NEGR1: variants seen among roughly 807,000 people sequenced by gnomAD.
NEGR1 encodes the protein neuronal growth regulator 1.
A neutral mutation model predicts 40.9 loss-of-function variants in NEGR1; 10 were observed. The ratio of observed to expected loss-of-function variants is 0.24; its 90% confidence interval spans 0.15 to 0.42. The LOEUF (loss-of-function observed/expected upper bound fraction) is 0.42. Ranked by LOEUF, NEGR1 falls within the 10% of genes least tolerant of loss-of-function variation. The pLI is 1.00. For synonymous variants in NEGR1, 185 were observed against 166.8 expected (o/e 1.11, Z -0.84); for missense variants, 352 against 438.9 (o/e 0.80, Z 1.77).
chr1:71,868,897 T>C (rs1660197548), intron 2 of NEGR1, among the ~76,000 whole-genome samples: 1 of 152,076 alleles, frequency 6.6e-6, no homozygotes, highest in Non-Finnish European at 1.5e-5. Flanking sequence ...CCCCAATATG[T>C]ATGTACATAC....
chr1:71,915,842 C>G (rs575277660), intron 2 of NEGR1, among the ~76,000 whole-genome samples: 1 of 152,186 alleles, frequency 6.6e-6, no homozygotes, highest in African/African-American at 2.4e-5. Context: ...AAGCATATTA[C>G]TTGCCCTCAT....
chr1:71,997,487 AC>A (rs1646515333), intron 1 of NEGR1, among the ~76,000 whole-genome samples: 1 of 151,906 alleles, frequency 6.6e-6, no homozygotes, highest in South Asian at 2.1e-4. Context: ...CATCTAATAC[AC>A]CTAAAATATT....
At chr1:71,787,856 G>T (rs1216979112) in intron 2 of NEGR1, among the ~76,000 whole-genome samples, 2 of 152,052 alleles carry the variant, frequency 1.3e-5, no homozygotes, top group African/African-American at 4.8e-5. Flanking sequence ...AGACTATTTT[G>T]GCTTTGAAAG....
chr1:72,022,965 G>A (rs3128550), intron 1 of NEGR1, among the ~76,000 whole-genome samples: 79,398 of 151,942 alleles, frequency 0.52, 21,732 homozygotes, highest in East Asian at 0.67. Context: ...AATATCACAT[G>A]TCCTTCTCCA....
intron 1 of NEGR1, among the ~76,000 whole-genome samples, chr1:71,948,700 G>T (rs1405201870): frequency 6.6e-6 from 1 of 152,024 alleles, no homozygotes; most frequent in Admixed American, 6.6e-5. Context: ...TCTCTTGCTA[G>T]AGGATCCATC....
chr1:72,030,499 T>A (rs538844329), intron 1 of NEGR1, among the ~76,000 whole-genome samples: 14 of 152,288 alleles, frequency 9.2e-5, no homozygotes, highest in African/African-American at 3.4e-4. Context: ...AGAGCCTCAT[T>A]AGAAGAAACA....
At chr1:71,766,370 G>T (rs1384191562) in intron 3 of NEGR1, among the ~76,000 whole-genome samples, 2 of 152,118 alleles carry the variant, frequency 1.3e-5, no homozygotes, top group African/African-American at 4.8e-5. Context: ...CTTGAGTTAG[G>T]CAATAGCCTT....
intron 3 of NEGR1, among the ~76,000 whole-genome samples, chr1:71,775,817 C>G (rs909413946): frequency 6.6e-6 from 1 of 151,472 alleles, no homozygotes; most frequent in Non-Finnish European, 1.5e-5. Flanking sequence ...CATGGTAAAC[C>G]CCTTCTCTAC....
intron 6 of NEGR1, among the ~76,000 whole-genome samples, chr1:71,512,999 C>T (rs747305292): frequency 7.9e-5 from 12 of 152,138 alleles, no homozygotes; most frequent in East Asian, 1.9e-4. Flanking sequence ...CATATAACAT[C>T]GACAAAAAAT....
chr1:72,076,331 A>G (rs1329279083), intron 1 of NEGR1, among the ~76,000 whole-genome samples: 4 of 152,258 alleles, frequency 2.6e-5, no homozygotes, highest in African/African-American at 9.6e-5. Context: ...AAATACAGCC[A>G]TTTACGAACA....
chr1:71,988,371 C>G (rs1646418349), intron 1 of NEGR1, among the ~76,000 whole-genome samples: 1 of 151,720 alleles, frequency 6.6e-6, no homozygotes, highest in Non-Finnish European at 1.5e-5. Context: ...AACCCCGTCT[C>G]TACTAAAAAT....
At chr1:71,701,916 A>T (rs1224355803) in intron 3 of NEGR1, among the ~76,000 whole-genome samples, 2 of 152,090 alleles carry the variant, frequency 1.3e-5, no homozygotes, top group East Asian at 3.8e-4. Context: ...CTATACCACA[A>T]ATCTATCAAG....
intron 1 of NEGR1, among the ~76,000 whole-genome samples, chr1:72,248,384 A>G (rs1404974766): frequency 6.6e-6 from 1 of 151,700 alleles, no homozygotes; most frequent in African/African-American, 2.4e-5. Flanking sequence ...CAGCCTCCCG[A>G]GTAGCTAGGA....
intron 1 of NEGR1, among the ~76,000 whole-genome samples, chr1:72,198,363 T>G (rs1653073617): frequency 6.6e-6 from 1 of 151,984 alleles, no homozygotes; most frequent in African/African-American, 2.4e-5. Flanking sequence ...CTGAAAAGAC[T>G]TAAGCCATGA....
intron 6 of NEGR1, among the ~76,000 whole-genome samples, chr1:71,456,876 G>A (rs996765619): frequency 4.6e-5 from 7 of 152,234 alleles, no homozygotes; most frequent in Non-Finnish European, 8.8e-5. Context: ...CTGGCATGCT[G>A]GTAATTTGAG....
chr1:72,153,209 T>C (rs1249092847), intron 1 of NEGR1, among the ~76,000 whole-genome samples: 5 of 151,812 alleles, frequency 3.3e-5, no homozygotes, highest in African/African-American at 1.2e-4. Context: ...AAATAATTAA[T>C]GAAATAGGAA....
At chr1:71,450,040 G>C (rs1646614635) in intron 6 of NEGR1, among the ~76,000 whole-genome samples, 1 of 148,684 alleles carries the variant, frequency 6.7e-6, no homozygotes, top group Non-Finnish European at 1.5e-5. Flanking sequence ...GCCCAGGCTA[G>C]AGTGCAGCGG....
intron 1 of NEGR1, among the ~76,000 whole-genome samples, chr1:72,164,977 C>T (rs560754492): frequency 6.6e-6 from 1 of 152,086 alleles, no homozygotes; most frequent in South Asian, 2.1e-4. Flanking sequence ...AAATATGACC[C>T]TTGATAATTT....
At chr1:71,458,460 C>CT (rs1395176268) in intron 6 of NEGR1, among the ~76,000 whole-genome samples, 1 of 152,224 alleles carries the variant, frequency 6.6e-6, no homozygotes, top group Non-Finnish European at 1.5e-5. Context: ...TATAGTTATA[C>CT]TTTTCACATA....
Sources: gnomAD v4.1 joint callset for allele counts (sites outside exome capture counted in the v4.1 genomes callset) on GRCh38, gnomAD v4.1.1 for gene constraint, MANE v1.5 for transcripts, NCBI Gene and HGNC (gene_info 2026-07-23, HGNC 2026-07-21) for gene names.